The following SPTBN5 variants were observed in gnomAD, a reference collection of about 807,000 sequenced individuals.
SPTBN5 encodes spectrin beta chain, non-erythrocytic 5.
SPTBN5 carries 513 observed loss-of-function variants against 477.6 expected under a neutral mutation model. The observed-to-expected ratio is 1.07, with a 90% CI of 1.00 to 1.16. The LOEUF (loss-of-function observed/expected upper bound fraction) is 1.16, where lower values mean the gene tolerates loss of function less well. Ranked by LOEUF, SPTBN5 falls within the 50% of genes most tolerant of loss-of-function variation. SPTBN5 has a pLI of 0.00. For synonymous variants in SPTBN5, 2,169 were observed against 2,011.7 expected (o/e 1.08, Z -2.09); for missense variants, 5,062 against 4,731.8 (o/e 1.07, Z -2.05).
chr15:41,851,661 G>A, intron 63 of SPTBN5, 118 bp downstream of exon 63: 1 of 752,998 alleles, frequency 1.3e-6, no homozygotes, highest in Non-Finnish European at 2.2e-6. Context: ...AGCATGGTGG[G>A]GGGTGGCATC....
In SPTBN5 at chr15:41,861,812, A is replaced by C; in HGVS notation, c.7660T>G (p.Leu2554Val). Residue 2554 changes from leucine to valine, a missense_variant, in exon 45 of 68, where the codon TTA becomes GTA. Physicochemically the swap from Leu to Val is conservative, Grantham distance 32. Transcript: ENST00000320955. Reference sequence around the variant, plus strand: ...TCCAGGCTGCTCAGCTCCTGTTCTAAGCCAGCCAGCACCTGGCGAATGTCG... The same window carrying C: ...TCCAGGCTGCTCAGCTCCTGTTCTACGCCAGCCAGCACCTGGCGAATGTCG... ...SSDIRQVLAG[L>V]EQELSSLEGA... 3 of 1,588,496 alleles carry C rather than the reference A, an allele frequency of 1.9e-6. No individual in the cohort carries two copies. The highest frequency in any genetic ancestry group is 2.6e-6 in the Non-Finnish European group (3 of 1,171,410).
rs760409251 is a variant in SPTBN5, at chr15:41,850,882, GCT to G, written c.10891_10892del (p.Ser3631LeufsTer27). 2 of 1,603,408 alleles carry G rather than the reference GCT, an allele frequency of 1.2e-6. No homozygotes were observed. Among genetic ancestry groups the G allele is most frequent in the East Asian group, 4.5e-5 (2 of 44,338 alleles). On this transcript the variant is annotated frameshift_variant, in exon 66 of 68. Transcript: ENST00000320955. LOFTEE classifies it high-confidence loss of function. ...CAGTGCTGCCCAGGGCTCGCCACCA[GCT>G]CTCAGCCTGCTCTTCGGACGGTGCT... is the stretch of plus-strand genomic sequence containing the variant. ...FAAPSEEQAE[S>X]WWRALGSTAA... is the part of the protein sequence containing the mutation.
chr15:41,853,964 T>C (rs1191879305), intron 57 of SPTBN5, 86 bp downstream of exon 57: 126 of 1,474,692 alleles, frequency 8.5e-5, no homozygotes, highest in Non-Finnish European at 4.0e-5. Context: ...TGAAGCAGGC[T>C]GGGGTGGGAG....
At chr15:41,869,762 G>A in intron 32 of SPTBN5, 79 bp downstream of exon 32, 4 of 1,330,352 alleles carry the variant, frequency 3.0e-6, no homozygotes, top group Non-Finnish European at 3.9e-6. Flanking sequence ...GAGCTGGAGG[G>A]CCTCATGCGT....
At position 41,852,923 on chromosome 15, in the gene SPTBN5, A is replaced by C; in HGVS notation, c.10248T>G (p.Cys3416Trp). 1.9e-6 allele frequency: 3 copies of C among 1,596,876 alleles called. No homozygotes were observed. Among genetic ancestry groups the C allele is most frequent in the South Asian group, 1.1e-5 (1 of 89,816 alleles). The change falls in exon 60 of 68, where the codon TGT becomes TGG. Residue 3416 changes from cysteine to tryptophan, a missense_variant. Cys to Trp is a radical substitution (Grantham distance 215). Coordinates refer to ENST00000320955, the MANE Select transcript of SPTBN5 (RefSeq NM_016642.4). ...EEAWALRWQRCAESWGLQKLR... is the reference protein window; with the variant it reads ...EEAWALRWQRWAESWGLQKLR... ...GCTTCTGCAGGCCCCAGCTCTCGGC[A>C]CAGCGTTGCCAGCGCAGGGCCCAAG... is the stretch of plus-strand genomic sequence containing the variant.
intron 5 of SPTBN5, 57 bp from the exon 6 acceptor site, chr15:41,887,498 G>GAATC: frequency 3.6e-6 from 5 of 1,372,348 alleles, no homozygotes; most frequent in Non-Finnish European, 5.0e-6. Context: ...TTTCCTTTAA[G>GAATC]TAGATTCTTA....
chr15:41,853,672 G>T lies in SPTBN5; in HGVS notation c.9890C>A (p.Ala3297Asp). ...CTCCTGGGCCTTCGCCTGCAGGGTG[G>T]CCCAGGCCTCCTGCACCTTGGCCAG... ...GGLAKVQEAW[A>D]TLQAKAQERG... Residue 3297 changes from alanine to aspartate, a missense_variant, in exon 58 of 68, where the codon GCC becomes GAC. Transcript: ENST00000320955. 1.2e-6 allele frequency: 2 copies of T among 1,601,356 alleles called. No homozygotes were observed. Among genetic ancestry groups the T allele is most frequent in the Non-Finnish European group, 8.5e-7 (1 of 1,176,108 alleles).
At position 41,871,834 on chromosome 15, in the gene SPTBN5, T is replaced by G. The variant is rs1417815662; in HGVS notation, c.5249A>C (p.Lys1750Thr). The change falls in exon 28 of 68, where the codon AAG becomes ACG. Residue 1750 changes from lysine (K) to threonine (T), a missense_variant. By Grantham distance (78) the Lys-to-Thr change is moderately conservative. Transcript: ENST00000320955. ...GCTCTCCCCTCCTTTGGCTGCCTGC[T>G]TCTGGCTTGCCAGCCAGCCCTGCAG... ...EDLQGWLASQ[K>T]QAAKGGESLG... The G allele has an allele frequency of 6.3e-7, 1 of 1,590,954 alleles. No homozygotes were observed. Among genetic ancestry groups the G allele is most frequent in the East Asian group, 2.3e-5 (1 of 43,508 alleles).
chr15:41,867,001 A>T lies in SPTBN5; in HGVS notation c.6438T>A (p.His2146Gln). The T allele has an allele frequency of 6.4e-7, 1 of 1,567,264 alleles. No individual in the cohort carries two copies. Among genetic ancestry groups the T allele is most frequent in the Non-Finnish European group, 8.6e-7 (1 of 1,156,460 alleles). ...TGAAGCTGGCCATCAGCAGGGAGGC[A>T]TGCAGGGCGTGTCCCCGGCTCTCCG... is the stretch of plus-strand genomic sequence containing the variant. ...ELAESRGHAL[H>Q]ASLLMASFTQ... Residue 2146 changes from histidine (H) to glutamine (Q), a missense_variant, in exon 36 of 68, where the codon CAT becomes CAA. Transcript: ENST00000320955.
chr15:41,870,597 C>T, intron 29 of SPTBN5, 37 bp from the exon 30 acceptor site: 2 of 1,560,272 alleles, frequency 1.3e-6, no homozygotes, highest in Non-Finnish European at 1.7e-6. Context: ...CGGGGATCAG[C>T]TGCCGGGCCG....
intron 23 of SPTBN5, among the ~76,000 whole-genome samples, 156 bp downstream of exon 23, chr15:41,874,686 A>G (rs1403664564): frequency 6.6e-6 from 1 of 152,208 alleles, no homozygotes; most frequent in East Asian, 1.9e-4. Context: ...GGGTCCTGCT[A>G]AGGAAGCATA....
At chr15:41,882,172 G>A (rs2066982155) in intron 11 of SPTBN5, 27 bp from the exon 12 acceptor site, 7 of 1,536,988 alleles carry the variant, frequency 4.6e-6, no homozygotes, top group Non-Finnish European at 6.1e-6. Flanking sequence ...GGGGTGGTGT[G>A]GGTGAAGGGG....
chr15:41,887,533 A>G (rs1013378557), intron 5 of SPTBN5, 92 bp from the exon 6 acceptor site: 10 of 1,009,680 alleles, frequency 9.9e-6, no homozygotes, highest in Non-Finnish European at 1.5e-5. Flanking sequence ...CCTATTGGCC[A>G]TTCACATCTT....
rs1200633987 is a variant in SPTBN5, at chr15:41,855,662, C to T, written c.9105G>A (p.Gln3035=). The change falls in exon 54 of 68, where the codon CAG becomes CAA. Residue 3035 remains glutamine (Q), a synonymous_variant. Coordinates refer to ENST00000320955, the MANE Select transcript of SPTBN5 (RefSeq NM_016642.4). The part of the protein sequence containing the change: ...EDMGHSAEAT[Q]ALLRRLEATK... Reference sequence around the variant, plus strand: ...TGGCCTCCAGCCGCCGCAGAAGGGCCTGTGTGGCTTCAGCACTGTGGCCCA... The same window carrying T: ...TGGCCTCCAGCCGCCGCAGAAGGGCTTGTGTGGCTTCAGCACTGTGGCCCA... 1 of 1,607,296 alleles carries T rather than the reference C, an allele frequency of 6.2e-7. No individual in the cohort carries two copies. The highest frequency in any genetic ancestry group is 2.2e-5 in the East Asian group (1 of 44,728).
chr15:41,893,551 A>G lies in SPTBN5; in HGVS notation c.-49-5T>C. On this transcript the variant is annotated splice_polypyrimidine_tract_variant and splice_region_variant and intron_variant, in intron 1 of 67. Coordinates refer to ENST00000320955, the MANE Select transcript of SPTBN5 (RefSeq NM_016642.4). The stretch of plus-strand genomic sequence containing the variant: ...CTGCTGGATGGCTCCCTAAACCTGG[A>G]GGGCATGCAGATTAGGGGATGATGT... The G allele has an allele frequency of 6.5e-7, 1 of 1,532,046 alleles. No homozygotes were observed. Among genetic ancestry groups the G allele is most frequent in the East Asian group, 2.4e-5 (1 of 40,822 alleles). The allele number at this position is 1,532,046 out of a possible 1,614,324, so 94.9% of individuals were successfully genotyped here. A position where few individuals can be genotyped will look rare whatever the true frequency, so the allele number is the denominator to read the frequency against.
At position 41,862,575 on chromosome 15, in the gene SPTBN5, T is replaced by C. The variant is rs571630234; in HGVS notation, c.7349A>G (p.Glu2450Gly). The C allele has an allele frequency of 1.3e-6, 2 of 1,560,024 alleles. No homozygotes were observed. The highest frequency in any genetic ancestry group is 2.4e-5 in the South Asian group (2 of 84,890). The change falls in exon 43 of 68, where the codon GAG becomes GGG. Residue 2450 changes from glutamate to glycine, a missense_variant. By Grantham distance (98) the Glu-to-Gly change is moderately conservative. Coordinates refer to ENST00000320955, the MANE Select transcript of SPTBN5 (RefSeq NM_016642.4). ...GLRHRQQEVAESWWQLRSRAQ... is the reference protein window; with the variant it reads ...GLRHRQQEVAGSWWQLRSRAQ... ...CCTGCTCCGGAGCTGCCACCAGCTC[T>C]CAGCCACCTCCTGCTGCCTGTGCCT... is the stretch of plus-strand genomic sequence containing the variant.
intron 39 of SPTBN5, among the ~76,000 whole-genome samples, chr15:41,864,654 G>A (rs1226906429): frequency 1.3e-5 from 2 of 152,234 alleles, no homozygotes; most frequent in African/African-American, 4.8e-5. Context: ...CTTGGTTGAA[G>A]AGAAGCAAAG....
At position 41,866,039 on chromosome 15, in the gene SPTBN5, T is replaced by G; in HGVS notation, c.6821A>C (p.Lys2274Thr). Residue 2274 changes from lysine (K) to threonine (T), a missense_variant and splice_region_variant, in exon 38 of 68, where the codon AAG becomes ACG. Coordinates refer to ENST00000320955, the MANE Select transcript of SPTBN5 (RefSeq NM_016642.4). ...VDLAEAWIQE[K>T]EVKMNVGDLG... ...GCCCCCACCCAGCTGGGGCTACACC[T>G]TCTCCTGGATCCAGGCCTCTGCAAG... 6.4e-7 allele frequency: 1 copy of G among 1,553,084 alleles called. No homozygotes were observed.
chr15:41,862,556 C>A lies in SPTBN5; in HGVS notation c.7368G>T (p.Arg2456=). 1.3e-6 allele frequency: 2 copies of A among 1,565,882 alleles called. No homozygotes were observed. Among genetic ancestry groups the A allele is most frequent in the East Asian group, 2.3e-5 (1 of 42,580 alleles). The change falls in exon 43 of 68, where the codon CGG becomes CGT. Residue 2456 remains arginine (R), a synonymous_variant. Coordinates refer to ENST00000320955, the MANE Select transcript of SPTBN5 (RefSeq NM_016642.4). The stretch of plus-strand genomic sequence containing the variant: ...GTTCATACCGCTTCTGGGCCCTGCT[C>A]CGGAGCTGCCACCAGCTCTCAGCCA... ...QEVAESWWQL[R]SRAQKRREAL... is the part of the protein sequence containing the mutation.
Sources: gnomAD v4.1 joint callset for allele counts (sites outside exome capture counted in the v4.1 genomes callset) on GRCh38, gnomAD v4.1.1 for gene constraint, MANE v1.5 for transcripts, NCBI Gene and HGNC (gene_info 2026-07-23, HGNC 2026-07-21) for gene names.